MGAT4A: variants seen among roughly 807,000 people sequenced by gnomAD.
MGAT4A encodes N-acetylglucosaminyltransferase IVa.
MGAT4A carries 33 observed loss-of-function variants against 74.1 expected under a neutral mutation model. The observed-to-expected ratio is 0.45, with a 90% CI of 0.34 to 0.60. MGAT4A has a LOEUF of 0.60. Among genes scored for constraint, MGAT4A ranks in the 20% least tolerant of loss-of-function variants. MGAT4A has a pLI of 0.02. For missense variants in MGAT4A, 479 were observed against 628.3 expected (o/e 0.76, Z 2.54); for synonymous variants, 198 against 210.4 (o/e 0.94, Z 0.51).
chr2:98,679,605 C>T (rs1702028362), intron 2 of MGAT4A, among the ~76,000 whole-genome samples: 1 of 152,094 alleles, frequency 6.6e-6, no homozygotes, highest in Non-Finnish European at 1.5e-5. Flanking sequence ...GCACCCCAGC[C>T]TGGGCGACAG....
chr2:98,724,197 T>C (rs1005614826), intron 2 of MGAT4A, among the ~76,000 whole-genome samples: 1 of 152,028 alleles, frequency 6.6e-6, no homozygotes, highest in Non-Finnish European at 1.5e-5. Flanking sequence ...GACCCATGAA[T>C]GAATGAAAAA....
intron 2 of MGAT4A, among the ~76,000 whole-genome samples, chr2:98,711,187 C>T (rs1026044908): frequency 6.6e-6 from 1 of 151,336 alleles, no homozygotes; most frequent in African/African-American, 2.4e-5. Flanking sequence ...AGGGGAAACA[C>T]CAGCCTGGGC....
At position 98,621,629 on chromosome 2, in the gene MGAT4A, A is replaced by C; in HGVS notation, c.*3937T>G. The C allele has an allele frequency of 6.7e-7, 1 of 1,481,682 alleles. No homozygotes were observed. The highest frequency in any genetic ancestry group is 1.4e-5 in the South Asian group (1 of 72,490). The allele number at this position is 1,481,682 out of a possible 1,614,324, so 91.8% of individuals were successfully genotyped here. ...GCTCAAAGTGGGAGGATATTATACA[A>C]GGTCATTGGTGGGGGTGTCAGTAGG... On this transcript the variant is annotated 3_prime_UTR_variant, in exon 16 of 16. Transcript: ENST00000393487.
chr2:98,648,630 G>C (rs1272504332), intron 8 of MGAT4A, among the ~76,000 whole-genome samples: 1 of 151,660 alleles, frequency 6.6e-6, no homozygotes, highest in Non-Finnish European at 1.5e-5. Context: ...GAGGTGGGAG[G>C]ATCATATGAC....
chr2:98,725,994 C>T (rs1466165400), intron 2 of MGAT4A: 4 of 439,262 alleles, frequency 9.1e-6, no homozygotes, highest in Non-Finnish European at 1.6e-5. Flanking sequence ...ATATAAAACA[C>T]TGATCAGTAT....
chr2:98,654,755 C>A (rs919149591), intron 8 of MGAT4A, among the ~76,000 whole-genome samples: 1 of 152,076 alleles, frequency 6.6e-6, no homozygotes, highest in Non-Finnish European at 1.5e-5. Flanking sequence ...ACAATCCCTA[C>A]CAAAATTCCC....
intron 2 of MGAT4A, among the ~76,000 whole-genome samples, chr2:98,679,912 T>G (rs1287433143): frequency 1.3e-5 from 2 of 152,174 alleles, no homozygotes; most frequent in Non-Finnish European, 2.9e-5. Flanking sequence ...TGAATAGTAG[T>G]GGAGGCTGCG....
At chr2:98,654,486 A>G (rs1376260689) in intron 8 of MGAT4A, among the ~76,000 whole-genome samples, 10 of 152,134 alleles carry the variant, frequency 6.6e-5, no homozygotes, top group Non-Finnish European at 1.5e-5. Context: ...CAACACACAA[A>G]AATAGTTGTA....
In MGAT4A at chr2:98,634,063, C is replaced by T. The variant is rs573721715; in HGVS notation, c.1468+1159G>A. On this transcript the variant is annotated intron_variant, in intron 14 of 15. Coordinates refer to ENST00000393487, the MANE Select transcript of MGAT4A (RefSeq NM_012214.3). ...CAATATCAATTTACCAATATTTGCT[C>T]TTGTCTAATACTAAGAGAAGCATTC... Among the ~76,000 whole-genome samples, 303 of 152,322 alleles carry T rather than the reference C, an allele frequency of 2.0e-3. 2 individuals are homozygous for T. Among genetic ancestry groups the T allele is most frequent in the African/African-American group, 7.1e-3 (297 of 41,574 alleles).
At chr2:98,643,149 A>T (rs1173573544) in intron 10 of MGAT4A, among the ~76,000 whole-genome samples, 1 of 152,194 alleles carries the variant, frequency 6.6e-6, no homozygotes. Flanking sequence ...CACAATTCAA[A>T]TTGGACAAGG....
chr2:98,655,894 C>A, intron 7 of MGAT4A: 1 of 183,042 alleles, frequency 5.5e-6, no homozygotes. Flanking sequence ...TTTTTCCAAA[C>A]TTCCTTGACC....
At chr2:98,629,059 C>T (rs1174104700) in intron 14 of MGAT4A, among the ~76,000 whole-genome samples, 4 of 152,134 alleles carry the variant, frequency 2.6e-5, no homozygotes, top group African/African-American at 9.7e-5. Context: ...ATTCTTTTTA[C>T]TTTTTTAGCC....
Position 98,705,940 on chromosome 2 carries a change from C to T in MGAT4A, c.94+20299G>A, listed in dbSNP as rs553858867. ...GTCCGACCTGGGCGACAGAGCGAGA[C>T]TCCGTCTCAAAAAAAAAAAAAAAAA... On this transcript the variant is annotated intron_variant, in intron 2 of 15. Transcript: ENST00000393487. Among the ~76,000 whole-genome samples, 26 of 135,814 alleles carry T rather than the reference C, an allele frequency of 1.9e-4. No individual in the cohort carries two copies. The South Asian group carries it at 6.2e-3, about 33-fold the overall frequency. 89.1% of individuals were successfully genotyped at this position (135,814 alleles called of 152,430 possible).
At position 98,678,344 on chromosome 2, in the gene MGAT4A, T is replaced by C. The variant is rs771627603; in HGVS notation, c.222A>G (p.Ala74=). Residue 74 remains alanine (A), a synonymous_variant, in exon 3 of 16, where the codon GCA becomes GCG. Transcript: ENST00000393487. ...ACGCATCCTTACTTCCATTTGTTTC[T>C]GCTCCTACACGCTTGAACTGTTGCA... ...TIVQQFKRVG[A]ETNGSKDALN... 21 of 1,457,792 alleles carry C rather than the reference T, an allele frequency of 1.4e-5. No individual in the cohort carries two copies. The highest frequency in any genetic ancestry group is 7.6e-5 in the Admixed American group (4 of 52,434). 90.3% of individuals were successfully genotyped at this position (1,457,792 alleles called of 1,614,324 possible).
At chr2:98,663,340 C>A in intron 4 of MGAT4A, 161 bp from the exon 5 acceptor site, 1 of 1,529,700 alleles carries the variant, frequency 6.5e-7, no homozygotes, top group South Asian at 1.2e-5. Flanking sequence ...CAAGGGCATA[C>A]CTGTAATACT....
intron 2 of MGAT4A, among the ~76,000 whole-genome samples, chr2:98,712,517 T>C (rs1343798609): frequency 6.6e-6 from 1 of 152,250 alleles, no homozygotes; most frequent in Non-Finnish European, 1.5e-5. Context: ...CTTCTGGAGT[T>C]TGTTACACAG....
chr2:98,714,111 G>A lies in MGAT4A; in HGVS notation c.94+12128C>T, dbSNP rs150694205. Among the ~76,000 whole-genome samples, 809 of 151,992 alleles carry A rather than the reference G, an allele frequency of 5.3e-3. 6 individuals carry two copies. Among genetic ancestry groups the A allele is most frequent in the African/African-American group, 0.018 (767 of 41,462 alleles). ...AGCCATATTTTTTTTTCTTTGAGAC[G>A]GAGTCTCGCTCTGTCACCCAGGCTG... On this transcript the variant is annotated intron_variant, in intron 2 of 15. Transcript: ENST00000393487.
intron 14 of MGAT4A, 112 bp downstream of exon 14, chr2:98,635,110 G>C (rs1255128347): frequency 1.3e-6 from 1 of 750,210 alleles, no homozygotes; most frequent in Non-Finnish European, 2.2e-6. Context: ...ATAAAACCTG[G>C]AGGACACTGG....
intron 2 of MGAT4A, among the ~76,000 whole-genome samples, chr2:98,685,645 C>T (rs1212953795): frequency 6.6e-6 from 1 of 152,200 alleles, no homozygotes; most frequent in Admixed American, 6.5e-5. Context: ...AAGAACAGAA[C>T]TTGAACAGAC....
Sources: gnomAD v4.1 joint callset for allele counts (sites outside exome capture counted in the v4.1 genomes callset) on GRCh38, gnomAD v4.1.1 for gene constraint, MANE v1.5 for transcripts, NCBI Gene and HGNC (gene_info 2026-07-23, HGNC 2026-07-21) for gene names.